The following XPO5 variants were observed in gnomAD, a reference collection of about 807,000 sequenced individuals.
XPO5 encodes exportin-5.
In XPO5, 46 loss-of-function variants were observed where a neutral mutation model predicts 160.6. The observed-to-expected ratio is 0.29, with a 90% CI of 0.23 to 0.37. XPO5 has a LOEUF of 0.37. Among genes scored for constraint, XPO5 ranks in the 10% least tolerant of loss-of-function variants. XPO5 has a pLI of 1.00. For missense variants in XPO5, 1,090 were observed against 1,463.9 expected (o/e 0.74, Z 4.17); for synonymous variants, 537 against 519.3 (o/e 1.03, Z -0.46).
intron 8 of XPO5, 96 bp from the exon 9 acceptor site, chr6:43,562,442 G>C (rs1762464779): frequency 7.7e-6 from 7 of 913,970 alleles, no homozygotes; most frequent in Admixed American, 2.6e-5. Context: ...ATTTAGTTAG[G>C]TCTGTAATTC....
In XPO5 at chr6:43,553,528, C is replaced by T. The variant is rs376018727; in HGVS notation, c.1442-25G>A. Reference sequence around the variant, plus strand: ...GCTTTAAAACACACACACACACATACACACACACACACACACACACAATTA... The same window carrying T: ...GCTTTAAAACACACACACACACATATACACACACACACACACACACAATTA... On this transcript the variant is annotated intron_variant, in intron 13 of 31. Transcript: ENST00000265351. The T allele has an allele frequency of 1.3e-3, 873 of 695,708 alleles. 2 individuals are homozygous for T. The highest frequency in any genetic ancestry group is 1.7e-3 in the Non-Finnish European group (836 of 498,292). The allele number at this position is 695,708 out of a possible 1,614,324, so 43.1% of individuals were successfully genotyped here. A position where few individuals can be genotyped will look rare whatever the true frequency, so the allele number is the denominator to read the frequency against.
chr6:43,534,055 GA>G (rs746121916), intron 20 of XPO5, 48 bp from the exon 21 acceptor site: 123 of 1,454,406 alleles, frequency 8.5e-5, no homozygotes, highest in Non-Finnish European at 1.1e-4. Flanking sequence ...GATGCAGAAG[GA>G]AAGAGTGGGT....
At chr6:43,566,611 A>G (rs758121164) in intron 7 of XPO5, 2 of 417,308 alleles carry the variant, frequency 4.8e-6, no homozygotes, top group South Asian at 3.4e-5. Flanking sequence ...GAGTTCGAGA[A>G]GAGCCTGGCT....
chr6:43,546,605 G>C lies in XPO5; in HGVS notation c.2308C>G (p.Leu770Val). Residue 770 changes from leucine (L) to valine (V), a missense_variant, in exon 20 of 32, where the codon CTG becomes GTG. This residue lies in a region of XPO5 where 810 missense variants were observed against 1,139.0 expected (regional missense o/e 0.71). Coordinates refer to ENST00000265351, the MANE Select transcript of XPO5 (RefSeq NM_020750.3). ...GCAAGCAAATTGTCAAGAAGTTTCA[G>C]AATCTGCTCTGTGCAGGGGTTACGG... ...IFRNPCTEQI[L>V]KLLDNLLALI... 1 of 1,611,926 alleles carries C rather than the reference G, an allele frequency of 6.2e-7. No homozygotes were observed. Among genetic ancestry groups the C allele is most frequent in the South Asian group, 1.1e-5 (1 of 90,398 alleles).
Position 43,527,650 on chromosome 6 carries a change from T to G in XPO5, c.2904A>C (p.Glu968Asp). 1 of 1,613,978 alleles carries G rather than the reference T, an allele frequency of 6.2e-7. No individual in the cohort carries two copies. The highest frequency in any genetic ancestry group is 8.5e-7 in the Non-Finnish European group (1 of 1,179,888). ...EEQLVRMLTR[E>D]VMDLITVCCV... ...GCCACTTACTGATTAGGTCCATGAC[T>G]TCTCGGGTTAACATCCTCACCAGTT... Residue 968 changes from glutamate to aspartate, a missense_variant, in exon 26 of 32, where the codon GAA becomes GAC. Glu to Asp is a conservative substitution (Grantham distance 45, BLOSUM62 2). Transcript: ENST00000265351.
rs779162150 is a variant in XPO5, at chr6:43,549,456, C to T, written c.1860+33G>A. 1.7e-5 allele frequency: 26 copies of T among 1,566,640 alleles called. No homozygotes were observed. In the South Asian group the frequency reaches 2.7e-4, roughly 16 times the overall value. On this transcript the variant is annotated intron_variant, in intron 17 of 31. Transcript: ENST00000265351. ...GGATTTACACACAAATGTAACCAAA[C>T]TTGGCTACTTCAGCCAGGGTCCAGC... is the stretch of plus-strand genomic sequence containing the variant.
intron 24 of XPO5, 76 bp downstream of exon 24, chr6:43,528,752 C>T: frequency 7.2e-7 from 1 of 1,395,908 alleles, no homozygotes; most frequent in South Asian, 1.2e-5. Flanking sequence ...TCTAGGAGCT[C>T]CTGACTTGCA....
chr6:43,553,526 T>G (rs1030303411), intron 13 of XPO5, 23 bp from the exon 14 acceptor site: 2 of 1,447,422 alleles, frequency 1.4e-6, no homozygotes, highest in Non-Finnish European at 9.3e-7. Flanking sequence ...CACACACACA[T>G]ACACACACAC....
At chr6:43,533,753 T>C (rs541013651) in intron 21 of XPO5, 154 bp downstream of exon 21, 34 of 428,290 alleles carry the variant, frequency 7.9e-5, no homozygotes, top group African/African-American at 4.7e-4. Context: ...GAAGACTGCT[T>C]GAGTCCAAGA....
intron 25 of XPO5, 122 bp downstream of exon 25, chr6:43,528,037 A>C (rs1458170251): frequency 2.9e-6 from 3 of 1,029,312 alleles, no homozygotes; most frequent in Non-Finnish European, 4.3e-6. Flanking sequence ...ACCTAGGCTG[A>C]GAATGACTAC....
Position 43,560,331 on chromosome 6 carries a change from A to G in XPO5, c.1096-28T>C, listed in dbSNP as rs1261010431. The G allele has an allele frequency of 2.5e-6, 4 of 1,572,920 alleles. No individual in the cohort carries two copies. The Admixed American group carries it at 7.8e-5, about 31-fold the overall frequency. On this transcript the variant is annotated intron_variant, in intron 10 of 31. Transcript: ENST00000265351. ...AAAGAGAAAAAAAAAAGAAAACGTC[A>G]AAGGATTTGGATTCTATATAACCCA...
At chr6:43,560,400 A>T in intron 10 of XPO5, 97 bp from the exon 11 acceptor site, 1 of 1,397,518 alleles carries the variant, frequency 7.2e-7, no homozygotes, top group Non-Finnish European at 9.5e-7. Context: ...TCATAGAAAT[A>T]AATCTGTACA....
chr6:43,559,929 C>A (rs1431556576), intron 11 of XPO5, among the ~76,000 whole-genome samples: 2 of 152,146 alleles, frequency 1.3e-5, no homozygotes, highest in Admixed American at 6.6e-5. Context: ...GATCCTCCCA[C>A]CTTAAGCCTC....
intron 31 of XPO5, 40 bp downstream of exon 31, chr6:43,524,431 A>T: frequency 6.3e-7 from 1 of 1,595,532 alleles, no homozygotes; most frequent in Middle Eastern, 2.1e-4. Context: ...ACATGATTTA[A>T]GAAGGGGGTT....
chr6:43,547,025 C>T (rs1030117498), intron 19 of XPO5, among the ~76,000 whole-genome samples: 1 of 152,132 alleles, frequency 6.6e-6, no homozygotes, highest in Admixed American at 6.6e-5. Context: ...ACCCACAGGA[C>T]CCTGATGAGA....
chr6:43,541,375 C>T (rs563102493), intron 20 of XPO5, among the ~76,000 whole-genome samples: 8 of 152,074 alleles, frequency 5.3e-5, no homozygotes, highest in Non-Finnish European at 1.2e-4. Context: ...TCTTATGTAC[C>T]CCATAAATAT....
At chr6:43,560,334 G>A (rs777868290) in intron 10 of XPO5, 31 bp from the exon 11 acceptor site, 3 of 1,567,294 alleles carry the variant, frequency 1.9e-6, no homozygotes, top group Admixed American at 2.0e-5. Flanking sequence ...AAACGTCAAA[G>A]GATTTGGATT....
rs567783691 is a variant in XPO5, at chr6:43,567,315, T to C, written c.688A>G (p.Thr230Ala). 1 of 1,612,294 alleles carries C rather than the reference T, an allele frequency of 6.2e-7. No individual in the cohort carries two copies. Among genetic ancestry groups the C allele is most frequent in the African/African-American group, 1.3e-5 (1 of 74,952 alleles). The change falls in exon 7 of 32, where the codon ACT becomes GCT. Residue 230 changes from threonine to alanine, a missense_variant. Coordinates refer to ENST00000265351, the MANE Select transcript of XPO5 (RefSeq NM_020750.3). Reference sequence around the variant, plus strand: ...ACCCAGTCAATATAGCCTGCTAGAGTATTCAGTGCTGCAACTCCTACTCGA... The same window carrying C: ...ACCCAGTCAATATAGCCTGCTAGAGCATTCAGTGCTGCAACTCCTACTCGA... ...NCRVGVAALN[T>A]LAGYIDWVSM...
chr6:43,572,389 T>C, intron 3 of XPO5, 117 bp downstream of exon 3: 1 of 992,804 alleles, frequency 1.0e-6, no homozygotes, highest in Non-Finnish European at 1.6e-6. Context: ...AATTATGATT[T>C]CTTGTGCTGT....
Sources: gnomAD v4.1 joint callset for allele counts (sites outside exome capture counted in the v4.1 genomes callset) on GRCh38, gnomAD v4.1.1 for gene constraint, gnomAD v4.1.1 regional missense constraint, MANE v1.5 for transcripts, NCBI Gene and HGNC (gene_info 2026-07-23, HGNC 2026-07-21) for gene names.